DYNLRB1: variants seen among roughly 807,000 people sequenced by gnomAD.
The protein encoded by DYNLRB1 is dynein light chain roadblock-type 1, also known as ROBL/LC7-like 1.
A neutral mutation model predicts 13.5 loss-of-function variants in DYNLRB1; 6 were observed. The observed-to-expected ratio is 0.44, with a 90% CI of 0.24 to 0.88. The LOEUF (loss-of-function observed/expected upper bound fraction) is 0.88, where lower values mean the gene tolerates loss of function less well. Ranked by LOEUF, DYNLRB1 falls within the 40% of genes least tolerant of loss-of-function variation. DYNLRB1 has a pLI of 0.21. For missense variants in DYNLRB1, 93 were observed against 127.2 expected (o/e 0.73, Z 1.29); for synonymous variants, 43 against 45.0 (o/e 0.96, Z 0.18).
chr20:34,517,623 A>C (rs1192774727), intron 1 of DYNLRB1, among the ~76,000 whole-genome samples: 1 of 117,030 alleles, frequency 8.5e-6, no homozygotes, highest in Non-Finnish European at 1.9e-5. Flanking sequence ...AACATTCATT[A>C]TTTCTTTTTT....
chr20:34,516,738 G>A, intron 1 of DYNLRB1: 1 of 1,544,664 alleles, frequency 6.5e-7, no homozygotes, highest in South Asian at 1.2e-5. Context: ...GGTGGGCGGC[G>A]GCCCTGCAGC....
chr20:34,531,852 G>A (rs994405691), intron 2 of DYNLRB1, among the ~76,000 whole-genome samples: 2 of 152,190 alleles, frequency 1.3e-5, no homozygotes, highest in African/African-American at 2.4e-5. Flanking sequence ...AGACCTCAGG[G>A]ACCAAAGTGG....
intron 1 of DYNLRB1, among the ~76,000 whole-genome samples, chr20:34,522,151 C>T (rs1260814557): frequency 6.6e-6 from 1 of 152,172 alleles, no homozygotes; most frequent in African/African-American, 2.4e-5. Flanking sequence ...TTGTTTAAGT[C>T]TCTTTCACCA....
chr20:34,538,352 G>A (rs900659237), intron 3 of DYNLRB1, among the ~76,000 whole-genome samples: 13 of 151,784 alleles, frequency 8.6e-5, no homozygotes, highest in East Asian at 2.0e-4. Flanking sequence ...CAGGAGGATC[G>A]CTTGAGCCTG....
intron 3 of DYNLRB1, chr20:34,535,194 G>A: frequency 1.0e-6 from 1 of 985,434 alleles, no homozygotes; most frequent in Non-Finnish European, 1.2e-6. Context: ...GTGTGAGCAA[G>A]GCGGAGGGGC....
intron 2 of DYNLRB1, among the ~76,000 whole-genome samples, chr20:34,526,994 A>G (rs1186999926): frequency 1.3e-5 from 2 of 152,180 alleles, no homozygotes; most frequent in Non-Finnish European, 2.9e-5. Context: ...GTAGAAGTGT[A>G]CAGATACTAA....
chr20:34,522,883 C>G (rs552725245), intron 1 of DYNLRB1, among the ~76,000 whole-genome samples: 3 of 152,164 alleles, frequency 2.0e-5, no homozygotes, highest in Non-Finnish European at 4.4e-5. Flanking sequence ...ATGTCCCCCT[C>G]CTGTACTTAA....
chr20:34,534,973 T>C (rs1403918172), intron 3 of DYNLRB1, 178 bp downstream of exon 3: 5 of 1,462,546 alleles, frequency 3.4e-6, no homozygotes, highest in Non-Finnish European at 4.5e-6. Flanking sequence ...CCATAGCAGA[T>C]CCTCCCAGGG....
intron 2 of DYNLRB1, among the ~76,000 whole-genome samples, chr20:34,532,507 C>A (rs747458207): frequency 6.6e-6 from 1 of 152,134 alleles, no homozygotes; most frequent in Non-Finnish European, 1.5e-5. Context: ...TTTTCTTAGG[C>A]CCCCAGGAAT....
Position 34,526,311 on chromosome 20 carries a change from G to C in DYNLRB1, c.47G>C (p.Gly16Ala). 1 of 1,614,118 alleles carries C rather than the reference G, an allele frequency of 6.2e-7. No individual in the cohort carries two copies. The highest frequency in any genetic ancestry group is 1.3e-5 in the African/African-American group (1 of 75,012). ...CTGAAGCGACTGCAGAGCCAGAAGG[G>C]AGTGCAGGGAATCATCGTCGTGAAC... ...ETLKRLQSQK[G>A]VQGIIVVNTE... Residue 16 changes from glycine (G) to alanine (A), a missense_variant, in exon 2 of 4, where the codon GGA (glycine) becomes GCA (alanine). Transcript: ENST00000357156.
chr20:34,517,243 C>G (rs570977402), intron 1 of DYNLRB1, among the ~76,000 whole-genome samples: 5 of 152,232 alleles, frequency 3.3e-5, no homozygotes, highest in African/African-American at 1.2e-4. Flanking sequence ...AAATCTAGAG[C>G]TTGTAATAAA....
chr20:34,516,500 A>G, intron 1 of DYNLRB1, 39 bp downstream of exon 1: 1 of 1,607,778 alleles, frequency 6.2e-7, no homozygotes, highest in Non-Finnish European at 8.5e-7. Context: ...GCGGCCGCCC[A>G]CCACCCCACG....
At chr20:34,531,791 C>T (rs1461523285) in intron 2 of DYNLRB1, among the ~76,000 whole-genome samples, 3 of 152,120 alleles carry the variant, frequency 2.0e-5, no homozygotes, top group Non-Finnish European at 4.4e-5. Context: ...GGAAAAACTG[C>T]GTGGTGCTGG....
At position 34,529,912 on chromosome 20, in the gene DYNLRB1, C is replaced by T. The variant is rs924815432; in HGVS notation, c.79+3569C>T. ...AGCAGGCCCCCTGCTCAGGGCTGCC[C>T]CTGATCAGTTGGGTGGCCTGAGGCA... On this transcript the variant is annotated intron_variant, in intron 2 of 3. Coordinates refer to ENST00000357156, the MANE Select transcript of DYNLRB1 (RefSeq NM_014183.4). 5.3e-6 allele frequency: 8 copies of T among 1,504,760 alleles called. 1 individual carries two copies. The East Asian group carries it at 1.5e-4, about 29-fold the overall frequency. 93.2% of individuals were successfully genotyped at this position (1,504,760 alleles called of 1,614,324 possible).
chr20:34,532,085 C>T (rs1980757686), intron 2 of DYNLRB1, among the ~76,000 whole-genome samples: 1 of 152,222 alleles, frequency 6.6e-6, no homozygotes, highest in Non-Finnish European at 1.5e-5. Flanking sequence ...TACCTGGGCT[C>T]TGGTCCTGGC....
intron 1 of DYNLRB1, chr20:34,516,987 C>G (rs1979278647): frequency 1.6e-6 from 2 of 1,274,050 alleles, no homozygotes; most frequent in Non-Finnish European, 2.0e-6. Context: ...ACCCTAGAAG[C>G]TTGACGGCCG....
At chr20:34,535,354 G>A (rs974767423) in intron 3 of DYNLRB1, 43 of 985,228 alleles carry the variant, frequency 4.4e-5, no homozygotes, top group Middle Eastern at 5.2e-4. Flanking sequence ...TTTTCCTGCC[G>A]CACGGGAGCA....
At chr20:34,536,428 C>G (rs1384750604) in intron 3 of DYNLRB1, 3 of 985,216 alleles carry the variant, frequency 3.0e-6, no homozygotes, top group Non-Finnish European at 3.6e-6. Context: ...TGTGTGACTG[C>G]AGAGGACAAA....
intron 3 of DYNLRB1, chr20:34,536,478 G>A: frequency 2.0e-6 from 2 of 985,412 alleles, no homozygotes; most frequent in Non-Finnish European, 2.4e-6. Context: ...GGAGCGCAGT[G>A]GCTCACGCCT....
Sources: allele counts gnomAD v4.1 joint callset (sites outside exome capture counted in the v4.1 genomes callset), GRCh38; gene constraint gnomAD v4.1.1; transcripts MANE v1.5; gene names NCBI Gene and HGNC (gene_info 2026-07-23, HGNC 2026-07-21).